Variants in STYXL1 observed in about 807,000 individuals in gnomAD.
The protein encoded by STYXL1 is serine/threonine/tyrosine interacting like 1.
STYXL1 carries 32 observed loss-of-function variants against 36.4 expected under a neutral mutation model. The ratio of observed to expected loss-of-function variants is 0.88; its 90% CI spans 0.66 to 1.18. The LOEUF (loss-of-function observed/expected upper bound fraction) is 1.18. STYXL1 is among the 50% of genes most tolerant of loss of function. The pLI, the probability that STYXL1 is intolerant of heterozygous loss-of-function variation, is 0.00. For synonymous variants in STYXL1, 133 were observed against 144.1 expected, an observed-to-expected ratio of 0.92 and a Z score of 0.55; for missense variants, 354 against 394.1, an observed-to-expected ratio of 0.90 and a Z score of 0.86.
intron 6 of STYXL1, 67 bp downstream of exon 6, chr7:76,005,192 T>A: frequency 5.1e-6 from 5 of 972,508 alleles, no homozygotes; most frequent in Non-Finnish European, 6.5e-6. Context: ...AAAAAATAAA[T>A]AAAATAAATT....
chr7:76,017,026 T>A (rs1299200857), intron 4 of STYXL1, among the ~76,000 whole-genome samples: 1 of 152,138 alleles, frequency 6.6e-6, no homozygotes, highest in Admixed American at 6.6e-5. Context: ...TATTTATTTA[T>A]TTAATTTTTT....
chr7:76,030,639 C>T (rs1209364749), intron 1 of STYXL1, 112 bp from the exon 2 acceptor site: 2 of 667,256 alleles, frequency 3.0e-6, no homozygotes, highest in East Asian at 5.6e-5. Context: ...GCAAAGATGA[C>T]AGTAATCATG....
intron 4 of STYXL1, among the ~76,000 whole-genome samples, chr7:76,019,853 A>C (rs1793837024): frequency 6.7e-6 from 1 of 150,166 alleles, no homozygotes; most frequent in Admixed American, 6.7e-5. Context: ...ATGCACTTTG[A>C]GAGGCCAATG....
chr7:75,998,137 TAAG>T (rs1359356742), intron 8 of STYXL1, among the ~76,000 whole-genome samples: 1 of 152,130 alleles, frequency 6.6e-6, no homozygotes, highest in Non-Finnish European at 1.5e-5. Flanking sequence ...AAAAAATATT[TAAG>T]AAGAACAAAG....
intron 1 of STYXL1, among the ~76,000 whole-genome samples, chr7:76,040,402 A>G (rs1477216524): frequency 2.0e-5 from 3 of 152,100 alleles, no homozygotes; most frequent in African/African-American, 7.2e-5. Flanking sequence ...ATCTGCCACA[A>G]TCAGCGACTC....
intron 8 of STYXL1, among the ~76,000 whole-genome samples, chr7:75,999,578 G>A (rs1035235955): frequency 3.7e-5 from 5 of 135,210 alleles, no homozygotes; most frequent in East Asian, 2.3e-4. Flanking sequence ...ACAGAGTTTC[G>A]CTCTTGTCAC....
At chr7:76,009,150 C>G (rs1197445676) in intron 5 of STYXL1, among the ~76,000 whole-genome samples, 1 of 152,126 alleles carries the variant, frequency 6.6e-6, no homozygotes, top group African/African-American at 2.4e-5. Flanking sequence ...GATAAAAACA[C>G]ACTGTACTGT....
chr7:76,047,962 A>G lies in STYXL1; in HGVS notation c.-305T>C, dbSNP rs180934383. ...AACCCAGCCAAACACCGGGGTTGCC[A>G]GGATGGTCCCACAGCTTTCCTTTCC... On this transcript the variant is annotated 5_prime_UTR_variant, in exon 1 of 9. Transcript: ENST00000359697. The G allele has an allele frequency of 4.1e-3, 6,049 of 1,459,916 alleles. 16 individuals carry two copies. The highest frequency in any genetic ancestry group is 4.5e-3 in the Non-Finnish European group (4,986 of 1,106,674). 90.4% of individuals were successfully genotyped at this position (1,459,916 alleles called of 1,614,324 possible). A position where few individuals can be genotyped will look rare whatever the true frequency, so the allele number is the denominator to read the frequency against.
At chr7:76,043,061 T>C (rs1036211489) in intron 1 of STYXL1, among the ~76,000 whole-genome samples, 1 of 152,196 alleles carries the variant, frequency 6.6e-6, no homozygotes, top group Non-Finnish European at 1.5e-5. Flanking sequence ...AAAGGATACC[T>C]AAGTGTTTCC....
At chr7:75,997,297 G>A (rs1790247533) in intron 8 of STYXL1, among the ~76,000 whole-genome samples, 1 of 152,182 alleles carries the variant, frequency 6.6e-6, no homozygotes, top group South Asian at 2.1e-4. Context: ...AGCCAAGTAT[G>A]GTGGCACATG....
intron 2 of STYXL1, 128 bp downstream of exon 2, chr7:76,030,293 C>A (rs1237627567): frequency 1.0e-5 from 7 of 692,630 alleles, no homozygotes; most frequent in African/African-American, 1.8e-5. Context: ...GCCACCACAC[C>A]CAGCCCAGGG....
chr7:76,012,026 G>A (rs80346410), intron 5 of STYXL1, among the ~76,000 whole-genome samples: 1 of 152,264 alleles, frequency 6.6e-6, no homozygotes, highest in Non-Finnish European at 1.5e-5. Flanking sequence ...TAGGCTGAGT[G>A]CAGTGGCTCA....
chr7:76,019,453 T>C (rs1437610066), intron 4 of STYXL1, among the ~76,000 whole-genome samples: 1 of 151,780 alleles, frequency 6.6e-6, no homozygotes, highest in Non-Finnish European at 1.5e-5. Flanking sequence ...TGCACCACCA[T>C]GCCTGGCTAA....
At chr7:76,015,675 C>T (rs1235900317) in intron 4 of STYXL1, among the ~76,000 whole-genome samples, 6 of 152,208 alleles carry the variant, frequency 3.9e-5, no homozygotes, top group Middle Eastern at 3.4e-3. Context: ...AAGCAAAAAC[C>T]AAACAACCTC....
chr7:76,028,272 G>A (rs1310825673), intron 3 of STYXL1, among the ~76,000 whole-genome samples: 1 of 152,090 alleles, frequency 6.6e-6, no homozygotes, highest in Non-Finnish European at 1.5e-5. Context: ...GACCTCAGGT[G>A]ATCTGCCCGT....
intron 1 of STYXL1, among the ~76,000 whole-genome samples, chr7:76,037,744 T>C (rs1554581046): frequency 6.7e-6 from 1 of 149,720 alleles, no homozygotes; most frequent in African/African-American, 2.4e-5. Context: ...GGGCATTTGC[T>C]TCTGGTGAAG....
At chr7:76,001,083 T>C (rs1790865033) in intron 7 of STYXL1, 81 bp from the exon 8 acceptor site, 6 of 1,057,598 alleles carry the variant, frequency 5.7e-6, no homozygotes, top group Middle Eastern at 4.0e-4. Context: ...CTGGCCTCCA[T>C]GGGCCCGTGG....
At chr7:76,000,728 C>T (rs1434135791) in intron 8 of STYXL1, among the ~76,000 whole-genome samples, 162 bp downstream of exon 8, 1 of 152,212 alleles carries the variant, frequency 6.6e-6, no homozygotes. Context: ...AACACTGGGG[C>T]CTTGCCCTTG....
chr7:76,012,543 T>C (rs1201079733), intron 5 of STYXL1, among the ~76,000 whole-genome samples: 9 of 152,086 alleles, frequency 5.9e-5, no homozygotes, highest in Non-Finnish European at 1.3e-4. Context: ...ACAAGACAGG[T>C]GGGCCACTAT....
Sources: gnomAD v4.1 joint callset for allele counts (sites outside exome capture counted in the v4.1 genomes callset) on GRCh38, gnomAD v4.1.1 for gene constraint, MANE v1.5 for transcripts, NCBI Gene and HGNC (gene_info 2026-07-23, HGNC 2026-07-21) for gene names.